The following TRIM5 variants were observed in gnomAD, a reference collection of about 807,000 sequenced individuals.
TRIM5 encodes the protein tripartite motif containing 5.
A neutral mutation model predicts 35.6 loss-of-function variants in TRIM5; 31 were observed. The ratio of observed to expected loss-of-function variants is 0.87; its 90% CI spans 0.65 to 1.18. The LOEUF is 1.18. Among genes scored for constraint, TRIM5 ranks in the 50% most tolerant of loss-of-function variants. The pLI is 0.00. For missense variants in TRIM5, 609 were observed against 591.6 expected, an observed-to-expected ratio of 1.03 and a Z score of -0.31; for synonymous variants, 243 against 215.6, an observed-to-expected ratio of 1.13 and a Z score of -1.11.
At chr11:5,603,279 G>C in the TRIM5 span, 1 of 1,613,866 alleles carries the variant, frequency 6.2e-7, no homozygotes, top group Non-Finnish European at 8.5e-7. Flanking sequence ...TAGAAATCAG[G>C]GTTGGGCAGG....
At chr11:5,667,558 T>G in intron 5 of TRIM5, 131 bp downstream of exon 5, 1 of 992,226 alleles carries the variant, frequency 1.0e-6, no homozygotes, top group Non-Finnish European at 1.5e-6. Flanking sequence ...GACCAGAAAT[T>G]TATGATAAAA....
the TRIM5 span, among the ~76,000 whole-genome samples, chr11:5,607,184 A>G: frequency 6.6e-6 from 1 of 152,124 alleles, no homozygotes; most frequent in Non-Finnish European, 1.5e-5. Flanking sequence ...AGCCTGGGCG[A>G]CAGAGCAAGA....
rs1850911037 is a variant in TRIM5, at chr11:5,663,557, T to C, written c.*1252A>G. 3.1e-6 allele frequency: 3 copies of C among 971,418 alleles called. No individual in the cohort carries two copies. Among genetic ancestry groups the C allele is most frequent in the South Asian group, 9.5e-5 (2 of 21,002 alleles). 60.2% of individuals were successfully genotyped at this position (971,418 alleles called of 1,614,324 possible). On this transcript the variant is annotated 3_prime_UTR_variant, in exon 8 of 8. Coordinates refer to ENST00000380034, the MANE Select transcript of TRIM5 (RefSeq NM_033034.3). ...TACTTATTAGATCAAGACACTTAGA[T>C]AGATGCTTTATACTTCAGGAATTTA...
the TRIM5 span, chr11:5,595,091 T>C: frequency 6.6e-6 from 1 of 152,248 alleles, no homozygotes; most frequent in Non-Finnish European, 1.5e-5. Flanking sequence ...CTGGGGACTG[T>C]CCAGAGAAAT....
downstream of TRIM5, among the ~76,000 whole-genome samples, chr11:5,658,937 G>A (rs561678763): frequency 2.0e-5 from 3 of 152,144 alleles, no homozygotes; most frequent in Non-Finnish European, 4.4e-5. Context: ...TCACTTGTAG[G>A]TGGGAATTGA....
the TRIM5 span, among the ~76,000 whole-genome samples, chr11:5,615,935 T>TCC: frequency 1.4e-5 from 2 of 143,030 alleles, no homozygotes; most frequent in Admixed American, 7.0e-5. Flanking sequence ...ATCTTTTCAT[T>TCC]TTTTTTTTTT....
At chr11:5,673,293 C>T (rs1219387839) in intron 4 of TRIM5, among the ~76,000 whole-genome samples, 2 of 151,858 alleles carry the variant, frequency 1.3e-5, no homozygotes, top group African/African-American at 4.8e-5. Flanking sequence ...AATATTAGAC[C>T]AAAGATACTT....
In TRIM5 at chr11:5,679,168, A is replaced by G. The variant is rs1369320701; in HGVS notation, c.419T>C (p.Val140Ala). The G allele has an allele frequency of 2.5e-6, 4 of 1,613,596 alleles. No individual in the cohort carries two copies. Among genetic ancestry groups the G allele is most frequent in the Non-Finnish European group, 2.5e-6 (3 of 1,179,686 alleles). The change falls in exon 3 of 8, where the codon GTG (valine) becomes GCG (alanine). Residue 140 changes from valine (V) to alanine (A), a missense_variant and splice_region_variant. Transcript: ENST00000380034. ...LTEEVAREYQ[V>A]KLQAALEMLR... ...CATCTCCAGAGCTGCCTGGAGCTTC[A>G]CCTGTGAGAAAGGAATCACACCATA...
chr11:5,679,712 C>T (rs776393430), intron 2 of TRIM5, 49 bp downstream of exon 2: 1 of 1,506,898 alleles, frequency 6.6e-7, no homozygotes, highest in Non-Finnish European at 8.9e-7. Flanking sequence ...GAAAATTTTC[C>T]ATCTGGTCCC....
the TRIM5 span, chr11:5,655,688 A>G: frequency 1.0e-6 from 1 of 985,458 alleles, no homozygotes; most frequent in Non-Finnish European, 1.2e-6. Flanking sequence ...TAGTGACGTC[A>G]TCTGGCATAT....
At chr11:5,684,658 A>G (rs1412382559) in intron 1 of TRIM5, among the ~76,000 whole-genome samples, 1 of 152,206 alleles carries the variant, frequency 6.6e-6, no homozygotes, top group Non-Finnish European at 1.5e-5. Context: ...ATTAAAAAGT[A>G]TAGAGTAGGG....
chr11:5,609,274 G>C, the TRIM5 span, among the ~76,000 whole-genome samples: 2 of 152,136 alleles, frequency 1.3e-5, no homozygotes, highest in Admixed American at 6.5e-5. Context: ...TCCGTTTGGA[G>C]GTGAGGACAT....
chr11:5,608,178 A>G, the TRIM5 span, among the ~76,000 whole-genome samples: 5 of 152,194 alleles, frequency 3.3e-5, no homozygotes, highest in South Asian at 4.1e-4. Context: ...TGATGAGTCA[A>G]TTGAGTTATT....
the TRIM5 span, among the ~76,000 whole-genome samples, chr11:5,650,074 A>G: frequency 6.6e-6 from 1 of 152,216 alleles, no homozygotes; most frequent in African/African-American, 2.4e-5. Context: ...GTGGAATACC[A>G]TGGTGGTAAA....
chr11:5,634,046 T>C, the TRIM5 span: 1 of 826,386 alleles, frequency 1.2e-6, no homozygotes, highest in Non-Finnish European at 1.8e-6. Context: ...CTGTTGGGGG[T>C]GGAGGCTAGA....
chr11:5,647,032 A>G, the TRIM5 span, among the ~76,000 whole-genome samples: 2 of 152,230 alleles, frequency 1.3e-5, no homozygotes, highest in East Asian at 3.8e-4. Flanking sequence ...AAAGATGGTT[A>G]GACAGTGAGG....
At chr11:5,634,720 A>C in the TRIM5 span, 1 of 1,614,090 alleles carries the variant, frequency 6.2e-7, no homozygotes, top group Non-Finnish European at 8.5e-7. Context: ...GAGAGCTGCA[A>C]AGATTGGAAG....
the TRIM5 span, chr11:5,595,412 A>G: frequency 7.9e-5 from 12 of 152,368 alleles, no homozygotes; most frequent in African/African-American, 2.2e-4. Flanking sequence ...ACACACACAC[A>G]GCTTTATACA....
Position 5,664,871 on chromosome 11 carries a change from A to C in TRIM5, c.1420T>G (p.Phe474Val). 1.2e-6 allele frequency: 2 copies of C among 1,613,640 alleles called. No homozygotes were observed. Among genetic ancestry groups the C allele is most frequent in the South Asian group, 2.2e-5 (2 of 90,994 alleles). ...CATTTTCTAGGATTTAAATATGGAAATACAGGCTGAGAAAAAGAACAGTGA... is the reference window on the plus strand; with the variant it reads ...CATTTTCTAGGATTTAAATATGGAACTACAGGCTGAGAAAAAGAACAGTGA... Reference protein sequence around the residue: ...FSHCSFSQPVFPYLNPRKCGV... With the variant: ...FSHCSFSQPVVPYLNPRKCGV... Residue 474 changes from phenylalanine (F) to valine (V), a missense_variant, in exon 8 of 8, where the codon TTT (phenylalanine) becomes GTT (valine). Coordinates refer to ENST00000380034, the MANE Select transcript of TRIM5 (RefSeq NM_033034.3).
Sources: gnomAD v4.1 joint callset for allele counts (sites outside exome capture counted in the v4.1 genomes callset) on GRCh38, gnomAD v4.1.1 for gene constraint, MANE v1.5 for transcripts, NCBI Gene and HGNC (gene_info 2026-07-23, HGNC 2026-07-21) for gene names.